Variants in TP53BP1 observed in about 807,000 individuals in gnomAD.
TP53BP1 encodes the protein TP53-binding protein 1.
In TP53BP1, 61 loss-of-function variants were observed where a neutral mutation model predicts 200.8. The observed-to-expected ratio is 0.30, with a 90% CI of 0.25 to 0.38. The LOEUF (loss-of-function observed/expected upper bound fraction) is 0.38, where lower values mean the gene tolerates loss of function less well. TP53BP1 is among the 10% of genes least tolerant of loss of function. The pLI is 1.00. For synonymous variants in TP53BP1, 822 were observed against 844.3 expected (o/e 0.97, Z 0.46); for missense variants, 2,144 against 2,371.9 (o/e 0.90, Z 2.00).
chr15:43,455,812 A>G (rs750983343), intron 12 of TP53BP1, 80 bp downstream of exon 12: 89 of 1,505,732 alleles, frequency 5.9e-5, no homozygotes, highest in Non-Finnish European at 7.5e-5. Flanking sequence ...CACTCCTGAC[A>G]TAAGCATGCA....
chr15:43,428,530 G>A (rs919189561), intron 17 of TP53BP1, among the ~76,000 whole-genome samples: 2 of 152,094 alleles, frequency 1.3e-5, no homozygotes, highest in African/African-American at 2.4e-5. Flanking sequence ...ATTAGTAAAC[G>A]AGTTTACATT....
intron 11 of TP53BP1, among the ~76,000 whole-genome samples, chr15:43,466,145 A>T (rs2046574923): frequency 1.3e-5 from 2 of 152,236 alleles, no homozygotes; most frequent in Admixed American, 1.3e-4. Flanking sequence ...AAGCAAGAAG[A>T]TATGAAACCC....
Position 43,457,179 on chromosome 15 carries a change from T to C in TP53BP1, c.1429A>G (p.Asn477Asp). The C allele has an allele frequency of 6.2e-7, 1 of 1,612,230 alleles. No individual in the cohort carries two copies. The highest frequency in any genetic ancestry group is 8.5e-7 in the Non-Finnish European group (1 of 1,179,320). ...ATATCTCCATCTTTCTTCCCATCATTTGATTGTTCTTCCAGACTTGGGGAA... is the reference window on the plus strand; with the variant it reads ...ATATCTCCATCTTTCTTCCCATCATCTGATTGTTCTTCCAGACTTGGGGAA... Reference protein sequence around the residue: ...IPSPSLEEQSNDGKKDGDMHS... With the variant: ...IPSPSLEEQSDDGKKDGDMHS... Residue 477 changes from asparagine (N) to aspartate (D), a missense_variant, in exon 12 of 28, where the codon AAT (asparagine) becomes GAT (aspartate). Physicochemically the swap from Asn to Asp is conservative, Grantham distance 23. This residue lies in a region of TP53BP1 where 1,700 missense variants were observed against 1,710.3 expected (regional missense o/e 0.99). Coordinates refer to ENST00000382044, the MANE Select transcript of TP53BP1 (RefSeq NM_001141980.3).
intron 18 of TP53BP1, 82 bp from the exon 19 acceptor site, chr15:43,422,208 T>C (rs2045421621): frequency 9.0e-6 from 13 of 1,438,770 alleles, no homozygotes; most frequent in Non-Finnish European, 1.2e-5. Flanking sequence ...ATCCTACAGA[T>C]GGCACAAAAT....
intron 11 of TP53BP1, among the ~76,000 whole-genome samples, chr15:43,458,804 A>AG (rs1555405498): frequency 4.0e-5 from 6 of 151,540 alleles, no homozygotes; most frequent in Non-Finnish European, 8.8e-5. Flanking sequence ...AAAAAAAAAA[A>AG]GGTTCACAAA....
At chr15:43,446,698 G>A in intron 13 of TP53BP1, 108 bp from the exon 14 acceptor site, 2 of 1,543,804 alleles carry the variant, frequency 1.3e-6, no homozygotes, top group Non-Finnish European at 1.7e-6. Flanking sequence ...CAGCTCTGCA[G>A]GATTGAAGGA....
chr15:43,480,313 T>C (rs888147103), intron 5 of TP53BP1, among the ~76,000 whole-genome samples: 4 of 152,080 alleles, frequency 2.6e-5, no homozygotes, highest in African/African-American at 9.7e-5. Flanking sequence ...CCAGGTGTGG[T>C]GGCGCACACA....
chr15:43,422,669 G>A (rs57596023), intron 18 of TP53BP1, among the ~76,000 whole-genome samples: 2,859 of 152,218 alleles, frequency 0.019, 66 homozygotes, highest in African/African-American at 0.065. Flanking sequence ...TTCAATAACT[G>A]ATCAAGGCAA....
Position 43,474,683 on chromosome 15 carries a change from T to C in TP53BP1, c.1170A>G (p.Glu390=), listed in dbSNP as rs761673126. 4 of 1,610,266 alleles carry C rather than the reference T, an allele frequency of 2.5e-6. No homozygotes were observed. In the South Asian group the frequency reaches 3.3e-5, roughly 13 times the overall value. Residue 390 remains glutamate (E), a synonymous_variant, in exon 10 of 28, where the codon GAA becomes GAG. Transcript: ENST00000382044. Reference sequence around the variant, plus strand: ...ATCAAGAGAGCTCACCTTGTCTCCCTTCTTGCTCTGTGGGACTGCTAGGAA... The same window carrying C: ...ATCAAGAGAGCTCACCTTGTCTCCCCTCTTGCTCTGTGGGACTGCTAGGAA... The part of the protein sequence containing the change: ...FIVPSSPTEQ[E]GRQDKPMDTS...
chr15:43,505,139 G>A (rs1275598770), intron 1 of TP53BP1, among the ~76,000 whole-genome samples: 1 of 152,162 alleles, frequency 6.6e-6, no homozygotes, highest in Non-Finnish European at 1.5e-5. Context: ...CTGATGAGAA[G>A]AAAGACAAAG....
intron 24 of TP53BP1, among the ~76,000 whole-genome samples, chr15:43,410,108 A>G (rs1305948228): frequency 6.6e-6 from 1 of 152,182 alleles, no homozygotes; most frequent in Non-Finnish European, 1.5e-5. Flanking sequence ...TGTCTATCCT[A>G]AATCTTTCCT....
chr15:43,436,992 A>G (rs1242263695), intron 16 of TP53BP1, among the ~76,000 whole-genome samples: 2 of 151,240 alleles, frequency 1.3e-5, no homozygotes, highest in African/African-American at 4.9e-5. Flanking sequence ...TTGAAAAAAA[A>G]GTTGAAAAAA....
At chr15:43,468,538 T>C (rs1595595165) in intron 11 of TP53BP1, among the ~76,000 whole-genome samples, 1 of 145,040 alleles carries the variant, frequency 6.9e-6, no homozygotes. Flanking sequence ...CAGACCAAGA[T>C]CCTGTCTCAA....
chr15:43,457,192 C>A lies in TP53BP1; in HGVS notation c.1416G>T (p.Leu472=), dbSNP rs145578674. 2.5e-6 allele frequency: 4 copies of A among 1,610,830 alleles called. No homozygotes were observed. The African/African-American group carries it at 5.3e-5, about 22-fold the overall frequency. The change falls in exon 12 of 28, where the codon CTG becomes CTT. Residue 472 remains leucine (L), a synonymous_variant. Transcript: ENST00000382044. ...TCTTCCCATCATTTGATTGTTCTTC[C>A]AGACTTGGGGAAGGAATAAAAATGT... is the stretch of plus-strand genomic sequence containing the variant. ...SHDIFIPSPS[L]EEQSNDGKKD...
In TP53BP1 at chr15:43,404,310, T is replaced by G. The variant is rs1245806046; in HGVS notation, c.*3073A>C. ...GGAAGGCCAGGTGGTTCTGTAGAAT[T>G]TTGAACAAGGCTTTTCCAAGAAACT... is the stretch of plus-strand genomic sequence containing the variant. On this transcript the variant is annotated 3_prime_UTR_variant, in exon 28 of 28. Transcript: ENST00000382044. The G allele has an allele frequency of 2.4e-5, 35 of 1,457,180 alleles. No homozygotes were observed. Among genetic ancestry groups the G allele is most frequent in the Middle Eastern group, 2.2e-4 (1 of 4,584 alleles). 90.3% of individuals were successfully genotyped at this position (1,457,180 alleles called of 1,614,324 possible). A position where few individuals can be genotyped will look rare whatever the true frequency, so the allele number is the denominator to read the frequency against.
chr15:43,489,639 T>A (rs1365732535), intron 4 of TP53BP1, among the ~76,000 whole-genome samples: 1 of 152,186 alleles, frequency 6.6e-6, no homozygotes, highest in Non-Finnish European at 1.5e-5. Flanking sequence ...GGCTGACTGC[T>A]ACTCATAACT....
chr15:43,426,801 A>T (rs2045545864), intron 18 of TP53BP1, among the ~76,000 whole-genome samples: 1 of 150,940 alleles, frequency 6.6e-6, no homozygotes, highest in South Asian at 2.1e-4. Context: ...CAAGGTCAGG[A>T]GTTCAAGACC....
chr15:43,428,005 G>C lies in TP53BP1; in HGVS notation c.3828+11C>G. 1 of 1,553,318 alleles carries C rather than the reference G, an allele frequency of 6.4e-7. No individual in the cohort carries two copies. The highest frequency in any genetic ancestry group is 8.8e-7 in the Non-Finnish European group (1 of 1,138,886). ...AAGAAATTTGCCACACAGACTCAGA[G>C]TATGTATTACCTCAGTTACTTTTCT... On this transcript the variant is annotated intron_variant, in intron 18 of 27. Coordinates refer to ENST00000382044, the MANE Select transcript of TP53BP1 (RefSeq NM_001141980.3).
intron 7 of TP53BP1, among the ~76,000 whole-genome samples, chr15:43,478,607 G>A (rs942755818): frequency 3.3e-5 from 5 of 152,132 alleles, no homozygotes; most frequent in South Asian, 4.1e-4. Context: ...TAAAAATCAC[G>A]AGAGATGAAG....
Sources: allele counts gnomAD v4.1 joint callset (sites outside exome capture counted in the v4.1 genomes callset), GRCh38; gene constraint gnomAD v4.1.1; regional missense constraint gnomAD v4.1.1; transcripts MANE v1.5; gene names NCBI Gene and HGNC (gene_info 2026-07-23, HGNC 2026-07-21).